Variants in COL15A1 observed in about 807,000 individuals in gnomAD.
COL15A1 encodes the protein collagen type XV alpha 1 chain.
COL15A1 carries 111 observed loss-of-function variants against 165.9 expected under a neutral mutation model. The ratio of observed to expected loss-of-function variants is 0.67; its 90% CI spans 0.57 to 0.78. COL15A1 has a LOEUF of 0.78. COL15A1 is among the 30% of genes least tolerant of loss of function. The probability of loss-of-function intolerance (pLI) is 0.00; values close to 1 mark genes in which losing one functional copy is unlikely to be tolerated. For synonymous variants in COL15A1, 659 were observed against 674.8 expected, an observed-to-expected ratio of 0.98 and a Z score of 0.36; for missense variants, 1,745 against 1,789.7, an observed-to-expected ratio of 0.98 and a Z score of 0.45.
intron 39 of COL15A1, among the ~76,000 whole-genome samples, chr9:99,063,833 C>A (rs760192654): frequency 5.9e-5 from 9 of 151,962 alleles, no homozygotes; most frequent in African/African-American, 2.2e-4. Flanking sequence ...TTGAATATGG[C>A]GCATTAAAGA....
At chr9:99,007,157 A>G (rs1724505718) in intron 9 of COL15A1, among the ~76,000 whole-genome samples, 1 of 152,242 alleles carries the variant, frequency 6.6e-6, no homozygotes, top group Admixed American at 6.5e-5. Context: ...GTTTCTGATT[A>G]GCCTTTCCAA....
chr9:98,966,156 G>A (rs1370567537), intron 2 of COL15A1, among the ~76,000 whole-genome samples: 3 of 152,192 alleles, frequency 2.0e-5, no homozygotes. Flanking sequence ...TGTAAATTAT[G>A]GCTGCCTTGA....
At chr9:99,037,476 T>C (rs986029309) in intron 21 of COL15A1, among the ~76,000 whole-genome samples, 4 of 152,140 alleles carry the variant, frequency 2.6e-5, no homozygotes, top group Non-Finnish European at 4.4e-5. Context: ...CTCAGCACTT[T>C]GAGAGGCCGA....
intron 31 of COL15A1, among the ~76,000 whole-genome samples, chr9:99,052,749 G>T (rs1489965309): frequency 6.6e-6 from 1 of 152,132 alleles, no homozygotes; most frequent in African/African-American, 2.4e-5. Flanking sequence ...ACTGGGCTGA[G>T]GCAGATTCCA....
intron 2 of COL15A1, among the ~76,000 whole-genome samples, chr9:98,958,782 G>A (rs1005603945): frequency 7.9e-5 from 12 of 152,130 alleles, no homozygotes; most frequent in African/African-American, 2.9e-4. Flanking sequence ...TTAGTGGCTC[G>A]GATTCCTTGG....
chr9:99,011,266 C>T (rs890217443), intron 9 of COL15A1, among the ~76,000 whole-genome samples: 2 of 151,718 alleles, frequency 1.3e-5, no homozygotes, highest in African/African-American at 4.8e-5. Flanking sequence ...CTGGAAAGAC[C>T]ATTTTAAATA....
chr9:99,068,846 G>A (rs1825938397), intron 41 of COL15A1, among the ~76,000 whole-genome samples, 176 bp downstream of exon 41: 1 of 152,222 alleles, frequency 6.6e-6, no homozygotes, highest in African/African-American at 2.4e-5. Flanking sequence ...CCCAGGTCCA[G>A]TAACTCAATA....
chr9:98,979,724 A>C (rs553825505), intron 2 of COL15A1, among the ~76,000 whole-genome samples: 1 of 152,228 alleles, frequency 6.6e-6, no homozygotes, highest in African/African-American at 2.4e-5. Context: ...CAAATTTACC[A>C]ATCTTTTAAC....
chr9:99,015,664 C>G (rs955634178), intron 10 of COL15A1, 98 bp downstream of exon 10: 1 of 1,193,246 alleles, frequency 8.4e-7, no homozygotes, highest in African/African-American at 1.5e-5. Context: ...GCACCTGTAG[C>G]TTGGTTATGA....
At chr9:99,043,912 C>G (rs1401191398) in intron 24 of COL15A1, among the ~76,000 whole-genome samples, 1 of 152,184 alleles carries the variant, frequency 6.6e-6, no homozygotes, top group African/African-American at 2.4e-5. Flanking sequence ...GTTCTTGCCA[C>G]CAGTCTACCC....
At chr9:99,043,745 T>C (rs933193340) in intron 24 of COL15A1, among the ~76,000 whole-genome samples, 1 of 152,166 alleles carries the variant, frequency 6.6e-6, no homozygotes, top group South Asian at 2.1e-4. Context: ...GGCTCAGCCC[T>C]GCTCCCCAGG....
intron 5 of COL15A1, among the ~76,000 whole-genome samples, chr9:98,992,781 G>A (rs537539041): frequency 6.6e-6 from 1 of 152,358 alleles, no homozygotes; most frequent in African/African-American, 2.4e-5. Context: ...CAGGGTCACA[G>A]GGTAGTGAAG....
intron 2 of COL15A1, among the ~76,000 whole-genome samples, chr9:98,954,504 T>C (rs1837744890): frequency 6.6e-6 from 1 of 152,242 alleles, no homozygotes; most frequent in Non-Finnish European, 1.5e-5. Context: ...AATACTCGTC[T>C]CTAATATTTT....
chr9:99,053,193 C>G (rs1490807773), intron 31 of COL15A1, among the ~76,000 whole-genome samples: 1 of 152,244 alleles, frequency 6.6e-6, no homozygotes, highest in Non-Finnish European at 1.5e-5. Context: ...TGTCACGCCA[C>G]TTGGGGTTTA....
intron 39 of COL15A1, among the ~76,000 whole-genome samples, chr9:99,063,557 G>A (rs1317233385): frequency 6.6e-6 from 1 of 152,214 alleles, no homozygotes; most frequent in African/African-American, 2.4e-5. Context: ...GGGTCTGCAA[G>A]CCAAGCCAAA....
Position 99,035,088 on chromosome 9 carries a change from A to AC in COL15A1, c.2159dup (p.Gly721ArgfsTer33), listed in dbSNP as rs1564072859. On this transcript the variant is annotated frameshift_variant, in exon 18 of 42. Coordinates refer to ENST00000375001, the MANE Select transcript of COL15A1 (RefSeq NM_001855.5). LOFTEE classifies it high-confidence loss of function. ...AAGCTGGCCCTCCTGGGGTCATGGG[A>AC]CCCCCAGGGCCTCCTGGACCCCCTG... The AC allele has an allele frequency of 5.6e-6, 9 of 1,602,820 alleles. No individual in the cohort carries two copies. Among genetic ancestry groups the AC allele is most frequent in the Middle Eastern group, 1.7e-4 (1 of 6,050 alleles).
chr9:98,975,693 G>A (rs146675668), intron 2 of COL15A1, among the ~76,000 whole-genome samples: 536 of 152,330 alleles, frequency 3.5e-3, no homozygotes, highest in Middle Eastern at 0.01. Context: ...GCGCCCTGAG[G>A]AGGGGCCACC....
intron 12 of COL15A1, among the ~76,000 whole-genome samples, chr9:99,020,696 C>T (rs1248399593): frequency 1.3e-5 from 2 of 152,186 alleles, no homozygotes; most frequent in African/African-American, 2.4e-5. Context: ...GCTTCTCTGT[C>T]GAGTATCAAA....
At position 98,971,475 on chromosome 9, in the gene COL15A1, A is replaced by C. The variant is rs954393973; in HGVS notation, c.101-14090A>C. Among the ~76,000 whole-genome samples, 4 of 151,906 alleles carry C rather than the reference A, an allele frequency of 2.6e-5. No individual in the cohort carries two copies. In the East Asian group the frequency reaches 7.7e-4, roughly 29 times the overall value. On this transcript the variant is annotated intron_variant, in intron 2 of 41. Transcript: ENST00000375001. ...GAAAAGGAAAGTCCGTACACCGAGA[A>C]GAGCTGACAACGAAACTCTTCCCAG... is the stretch of plus-strand genomic sequence containing the variant.
Sources: allele counts gnomAD v4.1 joint callset (sites outside exome capture counted in the v4.1 genomes callset), GRCh38; gene constraint gnomAD v4.1.1; transcripts MANE v1.5; gene names NCBI Gene and HGNC (gene_info 2026-07-23, HGNC 2026-07-21).